The following CDIN1 variants were observed in gnomAD, a reference collection of about 807,000 sequenced individuals.
CDIN1 encodes CDAN1-interacting nuclease 1.
In CDIN1, 33 loss-of-function variants were observed where a neutral mutation model predicts 45.3. That is an observed-to-expected ratio of 0.73 (90% CI 0.55 to 0.97). CDIN1 has a LOEUF of 0.97. CDIN1 is among the 50% of genes least tolerant of loss of function. The probability of loss-of-function intolerance (pLI) is 0.00; values close to 1 mark genes in which losing one functional copy is unlikely to be tolerated. For synonymous variants in CDIN1, 118 were observed against 124.4 expected (o/e 0.95, Z 0.34); for missense variants, 303 against 339.4 (o/e 0.89, Z 0.84).
At position 36,772,071 on chromosome 15, in the gene CDIN1, C is replaced by A. The variant is rs141254479; in HGVS notation, c.717-36253C>A. 1.9e-3 allele frequency among the ~76,000 whole-genome samples: 292 copies of A among 152,304 alleles called. 2 individuals carry two copies. The highest frequency in any genetic ancestry group is 6.9e-3 in the African/African-American group (285 of 41,566). On this transcript the variant is annotated intron_variant, in intron 10 of 10. Coordinates refer to ENST00000566621, the MANE Select transcript of CDIN1 (RefSeq NM_001321759.2). ...TGTTTCAGGGACAGAAGTGAGGATC[C>A]TCTTTGGTTCTTCTTTTCTTAGATA...
intron 10 of CDIN1, among the ~76,000 whole-genome samples, chr15:36,761,880 G>A (rs1312913532): frequency 6.6e-6 from 1 of 152,156 alleles, no homozygotes; most frequent in African/African-American, 2.4e-5. Context: ...AAATAAAATA[G>A]AGATTGCCAC....
At chr15:36,770,441 G>GATT (rs60700107) in intron 10 of CDIN1, among the ~76,000 whole-genome samples, 2,670 of 151,140 alleles carry the variant, frequency 0.018, 67 homozygotes, top group African/African-American at 0.059. Flanking sequence ...TGATGATGAT[G>GATT]ATTATTATTA....
chr15:36,785,418 A>G (rs2054463838), intron 10 of CDIN1, among the ~76,000 whole-genome samples: 1 of 151,598 alleles, frequency 6.6e-6, no homozygotes, highest in South Asian at 2.1e-4. Context: ...AAGCGGTTGG[A>G]TAATCACTAA....
At chr15:36,659,234 A>G (rs1244884433) in intron 5 of CDIN1, among the ~76,000 whole-genome samples, 2 of 152,210 alleles carry the variant, frequency 1.3e-5, no homozygotes, top group Non-Finnish European at 2.9e-5. Context: ...TAGGTTGATC[A>G]TAAATTTTGT....
At chr15:36,746,370 G>A (rs1421988436) in intron 10 of CDIN1, among the ~76,000 whole-genome samples, 1 of 152,162 alleles carries the variant, frequency 6.6e-6, no homozygotes, top group Non-Finnish European at 1.5e-5. Context: ...ATACATGGAA[G>A]TGGAGAAAAT....
chr15:36,656,778 A>T (rs1487991073), intron 4 of CDIN1, among the ~76,000 whole-genome samples: 1 of 152,176 alleles, frequency 6.6e-6, no homozygotes, highest in Non-Finnish European at 1.5e-5. Flanking sequence ...ATTTAAGGGC[A>T]TCCAAGTACA....
intron 10 of CDIN1, among the ~76,000 whole-genome samples, chr15:36,797,472 C>A (rs1489551684): frequency 3.9e-5 from 6 of 152,206 alleles, no homozygotes; most frequent in Non-Finnish European, 8.8e-5. Flanking sequence ...TCTTGCTGCT[C>A]ACAGCCTTGC....
intron 1 of CDIN1, among the ~76,000 whole-genome samples, chr15:36,595,816 C>G (rs2037797863): frequency 6.6e-6 from 1 of 152,208 alleles, no homozygotes; most frequent in Non-Finnish European, 1.5e-5. Flanking sequence ...ATGAATAGAG[C>G]TTACACACAA....
intron 1 of CDIN1, among the ~76,000 whole-genome samples, chr15:36,634,488 TTTGA>T (rs781710577): frequency 3.2e-4 from 48 of 152,222 alleles, no homozygotes; most frequent in Non-Finnish European, 6.6e-4. Context: ...CTTTATGGCC[TTTGA>T]TTGTGAATGA....
intron 5 of CDIN1, among the ~76,000 whole-genome samples, chr15:36,660,402 G>A (rs1184676135): frequency 6.6e-6 from 1 of 151,932 alleles, no homozygotes; most frequent in African/African-American, 2.4e-5. Flanking sequence ...TTCTTTTGGG[G>A]GTGGATTGTA....
At chr15:36,710,343 G>A (rs2043012931) in intron 10 of CDIN1, among the ~76,000 whole-genome samples, 1 of 152,092 alleles carries the variant, frequency 6.6e-6, no homozygotes, top group South Asian at 2.1e-4. Flanking sequence ...TCAGCTCTCT[G>A]AGGAAAGTAG....
chr15:36,667,505 G>A (rs1279325105), intron 5 of CDIN1, among the ~76,000 whole-genome samples: 1 of 152,162 alleles, frequency 6.6e-6, no homozygotes, highest in African/African-American at 2.4e-5. Flanking sequence ...AAATCCTATG[G>A]AAGGTTGAAA....
At chr15:36,760,259 T>G (rs974079283) in intron 10 of CDIN1, among the ~76,000 whole-genome samples, 1 of 152,184 alleles carries the variant, frequency 6.6e-6, no homozygotes, top group Non-Finnish European at 1.5e-5. Flanking sequence ...GAAAGTACAA[T>G]AGCCTCAGTC....
intron 10 of CDIN1, among the ~76,000 whole-genome samples, chr15:36,757,626 C>T (rs572267171): frequency 7.2e-5 from 11 of 152,218 alleles, no homozygotes; most frequent in African/African-American, 2.4e-4. Context: ...ATGAGTCATC[C>T]CCTTGCCCAG....
intron 10 of CDIN1, among the ~76,000 whole-genome samples, chr15:36,803,156 C>A (rs1009799232): frequency 7.3e-5 from 11 of 151,618 alleles, no homozygotes; most frequent in Admixed American, 5.9e-4. Context: ...TTCAAATATG[C>A]AGCTTCAGGA....
chr15:36,718,072 C>T (rs1256704851), intron 10 of CDIN1, among the ~76,000 whole-genome samples: 1 of 151,856 alleles, frequency 6.6e-6, no homozygotes, highest in East Asian at 1.9e-4. Context: ...TTTTAGTATT[C>T]TGGATATAAG....
intron 10 of CDIN1, among the ~76,000 whole-genome samples, chr15:36,769,736 A>G (rs926402607): frequency 2.0e-5 from 3 of 152,246 alleles, no homozygotes; most frequent in Non-Finnish European, 1.5e-5. Context: ...ATTCTTTCCT[A>G]TTCTTTCATG....
intron 10 of CDIN1, among the ~76,000 whole-genome samples, chr15:36,715,592 C>A (rs940991744): frequency 1.3e-5 from 2 of 152,182 alleles, no homozygotes; most frequent in African/African-American, 4.8e-5. Flanking sequence ...TCTTGCAAAC[C>A]TTTAATTACA....
chr15:36,787,058 C>G (rs1002636169), intron 10 of CDIN1, among the ~76,000 whole-genome samples: 5 of 152,212 alleles, frequency 3.3e-5, no homozygotes, highest in East Asian at 1.9e-4. Flanking sequence ...GTCTAGGTAC[C>G]TGTCTTCGCA....
Sources: gnomAD v4.1 joint callset for allele counts (sites outside exome capture counted in the v4.1 genomes callset) on GRCh38, gnomAD v4.1.1 for gene constraint, MANE v1.5 for transcripts, NCBI Gene and HGNC (gene_info 2026-07-23, HGNC 2026-07-21) for gene names.